CCDC146: variants seen among roughly 807,000 people sequenced by gnomAD.
CCDC146 encodes coiled-coil domain-containing protein 146.
Under a neutral mutation model 119.3 loss-of-function variants are expected in CCDC146, and 92 were observed. The ratio of observed to expected loss-of-function variants is 0.77; its 90% CI spans 0.65 to 0.92. CCDC146 has a LOEUF of 0.92. Ranked by LOEUF, CCDC146 falls within the 40% of genes least tolerant of loss-of-function variation. The pLI is 0.00. For missense variants in CCDC146, 1,000 were observed against 1,103.0 expected, an observed-to-expected ratio of 0.91 and a Z score of 1.32; for synonymous variants, 372 against 371.8, an observed-to-expected ratio of 1.00 and a Z score of -0.01.
At chr7:77,218,175 A>G (rs537246746) in intron 2 of CCDC146, among the ~76,000 whole-genome samples, 1 of 152,184 alleles carries the variant, frequency 6.6e-6, no homozygotes, top group African/African-American at 2.4e-5. Flanking sequence ...TATGTGGTCC[A>G]TCATTGACTG....
intron 2 of CCDC146, among the ~76,000 whole-genome samples, chr7:77,173,993 C>A (rs1441885174): frequency 2.6e-5 from 4 of 152,056 alleles, no homozygotes; most frequent in Non-Finnish European, 5.9e-5. Flanking sequence ...ATATGTATCT[C>A]ATTGATTTAT....
At chr7:77,173,373 A>G (rs1428732456) in intron 2 of CCDC146, among the ~76,000 whole-genome samples, 2 of 152,132 alleles carry the variant, frequency 1.3e-5, no homozygotes, top group Non-Finnish European at 2.9e-5. Flanking sequence ...TCATGCCTGT[A>G]ATTGCAGCAT....
intron 4 of CCDC146, among the ~76,000 whole-genome samples, chr7:77,246,827 T>G (rs1191582363): frequency 6.6e-6 from 1 of 152,188 alleles, no homozygotes; most frequent in Non-Finnish European, 1.5e-5. Context: ...GTTTCTTCAT[T>G]TGTACAACAA....
At chr7:77,150,640 A>C (rs1190452882) in intron 1 of CCDC146, among the ~76,000 whole-genome samples, 4 of 152,162 alleles carry the variant, frequency 2.6e-5, no homozygotes, top group Non-Finnish European at 5.9e-5. Context: ...TTTGGGAACC[A>C]ATTTGGCTGT....
At chr7:77,250,982 TGTG>T in intron 4 of CCDC146, among the ~76,000 whole-genome samples, 1 of 106,574 alleles carries the variant, frequency 9.4e-6, no homozygotes, top group Non-Finnish European at 1.8e-5. Context: ...TTTGTGTGTG[TGTG>T]TGTGTGTGTG....
chr7:77,194,095 A>G (rs1042848796), intron 2 of CCDC146: 11 of 152,246 alleles, frequency 7.2e-5, no homozygotes, highest in African/African-American at 2.6e-4. Context: ...CAAGCTTTTG[A>G]ATATTTACAT....
At position 77,286,871 on chromosome 7, in the gene CCDC146, G is replaced by T. The variant is rs368176812; in HGVS notation, c.2222G>T (p.Arg741Leu). 3.1e-6 allele frequency: 5 copies of T among 1,613,906 alleles called. No homozygotes were observed. Among genetic ancestry groups the T allele is most frequent in the Non-Finnish European group, 4.2e-6 (5 of 1,179,900 alleles). Residue 741 changes from arginine (R) to leucine (L), a missense_variant, in exon 16 of 19, where the codon CGC becomes CTC. Physicochemically the swap from Arg to Leu is moderately radical, Grantham distance 102. This residue lies in a region of CCDC146 where 985 missense variants were observed against 1,045.3 expected (regional missense o/e 0.94). Coordinates refer to ENST00000285871, the MANE Select transcript of CCDC146 (RefSeq NM_020879.3). ...AAGCCTGATGGTGAGAATAGAGCTC[G>T]CTTCCTTCCAGGGAAAGATCTGACC... The part of the protein sequence containing the change: ...FVKPDGENRA[R>L]FLPGKDLTEK...
chr7:77,126,474 AC>A (rs1790690805), intron 1 of CCDC146, among the ~76,000 whole-genome samples: 1 of 151,878 alleles, frequency 6.6e-6, no homozygotes, highest in Non-Finnish European at 1.5e-5. Flanking sequence ...CTCAGAGGAG[AC>A]CCACAGTGGG....
chr7:77,275,838 A>G (rs76874734), intron 11 of CCDC146, among the ~76,000 whole-genome samples: 1,646 of 152,294 alleles, frequency 0.011, 22 homozygotes, highest in African/African-American at 0.037. Flanking sequence ...TTTATTCCAT[A>G]TAAGGATTAT....
chr7:77,262,857 T>G (rs1793327325), intron 9 of CCDC146, among the ~76,000 whole-genome samples: 1 of 152,194 alleles, frequency 6.6e-6, no homozygotes, highest in Admixed American at 6.5e-5. Flanking sequence ...TGTTCCCAAG[T>G]GAGGGGTCTG....
intron 1 of CCDC146, among the ~76,000 whole-genome samples, chr7:77,138,650 A>G (rs1790892674): frequency 6.6e-6 from 1 of 152,206 alleles, no homozygotes; most frequent in South Asian, 2.1e-4. Flanking sequence ...ACTATTATCT[A>G]AAAATACAAA....
At chr7:77,199,565 C>G in intron 2 of CCDC146, 2 of 1,614,168 alleles carry the variant, frequency 1.2e-6, no homozygotes, top group Non-Finnish European at 1.7e-6. Context: ...TTGAACACCT[C>G]CTCGATCCTG....
At chr7:77,286,991 T>A in intron 16 of CCDC146, 65 bp downstream of exon 16, 2 of 1,528,402 alleles carry the variant, frequency 1.3e-6, no homozygotes, top group Non-Finnish European at 1.8e-6. Flanking sequence ...CAGATACCTA[T>A]GGTACTGTTT....
intron 2 of CCDC146, among the ~76,000 whole-genome samples, chr7:77,224,553 A>G (rs2150466658): frequency 6.6e-6 from 1 of 152,326 alleles, no homozygotes; most frequent in South Asian, 2.1e-4. Flanking sequence ...AGCCATCCAC[A>G]GGTTCCAGGG....
At chr7:77,274,751 C>T in intron 11 of CCDC146, 99 bp downstream of exon 11, 1 of 921,918 alleles carries the variant, frequency 1.1e-6, no homozygotes, top group South Asian at 2.0e-5. Context: ...AGCTAGAAAC[C>T]ATCATTGTCA....
intron 2 of CCDC146, among the ~76,000 whole-genome samples, chr7:77,180,979 G>A (rs1476634488): frequency 6.6e-6 from 1 of 152,148 alleles, no homozygotes; most frequent in African/African-American, 2.4e-5. Flanking sequence ...AAGTGAAATG[G>A]ACTTTTTCAT....
chr7:77,190,370 G>A (rs1791740449), intron 2 of CCDC146, among the ~76,000 whole-genome samples: 1 of 152,154 alleles, frequency 6.6e-6, no homozygotes, highest in African/African-American at 2.4e-5. Context: ...CTCTCTACAT[G>A]TCTTCTCCAG....
intron 1 of CCDC146, among the ~76,000 whole-genome samples, chr7:77,134,563 CTGTG>C (rs1554345524): frequency 0.029 from 4,026 of 139,262 alleles, 71 homozygotes; most frequent in Non-Finnish European, 0.038. Flanking sequence ...GTGTGTGTGT[CTGTG>C]TGTGTGTGTG....
chr7:77,200,632 C>T (rs958608945), intron 2 of CCDC146, among the ~76,000 whole-genome samples: 2 of 152,184 alleles, frequency 1.3e-5, no homozygotes, highest in African/African-American at 2.4e-5. Context: ...AGCATCTTTG[C>T]CCTTTCTTTC....
Sources: gnomAD v4.1 joint callset for allele counts (sites outside exome capture counted in the v4.1 genomes callset) on GRCh38, gnomAD v4.1.1 for gene constraint, gnomAD v4.1.1 regional missense constraint, MANE v1.5 for transcripts, NCBI Gene and HGNC (gene_info 2026-07-23, HGNC 2026-07-21) for gene names.